CCNL2: variants seen among roughly 807,000 people sequenced by gnomAD.
The protein encoded by CCNL2 is cyclin L2.
In CCNL2, 28 loss-of-function variants were observed where a neutral mutation model predicts 59.1. That is an observed-to-expected ratio of 0.47 (90% CI 0.35 to 0.65). The LOEUF (loss-of-function observed/expected upper bound fraction) is 0.65, where lower values mean the gene tolerates loss of function less well. Among genes scored for constraint, CCNL2 ranks in the 30% least tolerant of loss-of-function variants. CCNL2 has a pLI of 0.00. For synonymous variants in CCNL2, 342 were observed against 288.6 expected, an observed-to-expected ratio of 1.19 and a Z score of -1.88; for missense variants, 714 against 717.4, an observed-to-expected ratio of 1.00 and a Z score of 0.05.
rs1644506208 is a variant in CCNL2, at chr1:1,387,343, T to C, written c.1451A>G (p.Lys484Arg). The C allele has an allele frequency of 1.2e-6, 2 of 1,614,188 alleles. No homozygotes were observed. Among genetic ancestry groups the C allele is most frequent in the Non-Finnish European group, 1.7e-6 (2 of 1,180,040 alleles). The change falls in exon 11 of 11, where the codon AAG becomes AGG. Residue 484 changes from lysine to arginine, a missense_variant. By Grantham distance (26) the Lys-to-Arg change is conservative (BLOSUM62 2). Around this residue, in one of 5 missense-constraint regions of CCNL2, gnomAD observed 403 missense variants for 377.7 expected, o/e 1.07. Transcript: ENST00000400809. ...ATCTCTGTAGTAATGACTTTTCTTC[T>C]TGTATTTTCCCGGATTATCCGCCCG... ...RERADNPGKYKKKSHYYRDQR... is the reference protein window; with the variant it reads ...RERADNPGKYRKKSHYYRDQR...
At chr1:1,396,424 G>A (rs868691392) in intron 3 of CCNL2, among the ~76,000 whole-genome samples, 1 of 150,286 alleles carries the variant, frequency 6.7e-6, no homozygotes, top group African/African-American at 2.4e-5. Context: ...GCACCACCAC[G>A]ACCAGCTAAT....
chr1:1,387,689 CA>C, intron 10 of CCNL2, 87 bp downstream of exon 10: 3 of 1,445,974 alleles, frequency 2.1e-6, no homozygotes, highest in Non-Finnish European at 1.9e-6. Flanking sequence ...TTTAGAGAAA[CA>C]AGAAACCACC....
In CCNL2 at chr1:1,394,982, G is replaced by A. The variant is rs185958080; in HGVS notation, c.594+412C>T. On this transcript the variant is annotated intron_variant, in intron 4 of 10. Transcript: ENST00000400809. ...TGAGGCAGGAGAATGGCTTGAAGCC[G>A]GGAGGTGGAGGTTGTGCCTCCACTG... Among the ~76,000 whole-genome samples, 907 of 152,030 alleles carry A rather than the reference G, an allele frequency of 6.0e-3. 12 individuals are homozygous for A. Among genetic ancestry groups the A allele is most frequent in the African/African-American group, 0.021 (864 of 41,462 alleles).
rs751738515 is a variant in CCNL2 at position 1,387,836 on chromosome 1, GCTCCGA to G, written c.1146_1151del (p.Ser386_Arg387del). ...TCGAGTAGCTCTGCTCACGGCTCCG[GCTCCGA>G]CTCCGACTCTCTCGCCCCTTTGGCA... On this transcript the variant is annotated inframe_deletion, in exon 10 of 11. Coordinates refer to ENST00000400809, the MANE Select transcript of CCNL2 (RefSeq NM_030937.6). 92 of 1,613,614 alleles carry G rather than the reference GCTCCGA, an allele frequency of 5.7e-5. No homozygotes were observed. Among genetic ancestry groups the G allele is most frequent in the East Asian group, 2.5e-4 (11 of 44,876 alleles).
At chr1:1,388,711 C>A in intron 8 of CCNL2, 1 of 415,012 alleles carries the variant, frequency 2.4e-6, no homozygotes, top group South Asian at 1.7e-5. Context: ...GCGGAGCTTG[C>A]AGTGATCCCA....
chr1:1,387,387 A>C lies in CCNL2; in HGVS notation c.1407T>G (p.Ser469=). 6.2e-7 allele frequency: 1 copy of C among 1,614,128 alleles called. No homozygotes were observed. Among genetic ancestry groups the C allele is most frequent in the South Asian group, 1.1e-5 (1 of 91,076 alleles). ...HKSRSRSSSR[S]RSRSRERADN... ...CCGCCCGCTCCCGTGACCTGCTTCG[A>C]GAACGGGAAGAACTCCGGCTCCGAG... Residue 469 remains serine (S), a synonymous_variant, in exon 11 of 11, where the codon TCT becomes TCG. Transcript: ENST00000400809.
intron 5 of CCNL2, 37 bp from the exon 6 acceptor site, chr1:1,390,902 C>A: frequency 6.5e-7 from 1 of 1,549,038 alleles, no homozygotes; most frequent in Non-Finnish European, 8.9e-7. Context: ...CAATGCCCCA[C>A]CCGGGAACCC....
At chr1:1,392,878 C>A in intron 5 of CCNL2, 9 of 1,479,596 alleles carry the variant, frequency 6.1e-6, no homozygotes, top group Non-Finnish European at 8.4e-6. Flanking sequence ...CCAGACAATT[C>A]AGTCAGCAAA....
chr1:1,397,210 G>A (rs1460984251), intron 3 of CCNL2, among the ~76,000 whole-genome samples: 1 of 152,168 alleles, frequency 6.6e-6, no homozygotes, highest in Non-Finnish European at 1.5e-5. Context: ...TTAACTTCAG[G>A]TGCATAAACC....
chr1:1,388,281 G>A (rs1039010011), intron 8 of CCNL2: 28 of 555,634 alleles, frequency 5.0e-5, no homozygotes, highest in Admixed American at 1.6e-4. Flanking sequence ...CCAGCACTTC[G>A]GGAGGCCGAG....
intron 5 of CCNL2, chr1:1,391,464 G>A: frequency 1.6e-6 from 2 of 1,261,208 alleles, no homozygotes; most frequent in Non-Finnish European, 2.1e-6. Flanking sequence ...AGCCCCTTGG[G>A]TGCAAGTTGG....
intron 8 of CCNL2, among the ~76,000 whole-genome samples, chr1:1,389,973 C>T (rs150403446): frequency 5.5e-4 from 84 of 152,050 alleles, no homozygotes; most frequent in Non-Finnish European, 1.0e-3. Context: ...AAAGAATTAG[C>T]CAAGCATGGT....
chr1:1,396,788 G>A (rs970676176), intron 3 of CCNL2, among the ~76,000 whole-genome samples: 4 of 148,570 alleles, frequency 2.7e-5, no homozygotes, highest in Admixed American at 2.0e-4. Context: ...TTGCTCTGTC[G>A]CCCAGGCTGG....
At chr1:1,388,271 C>G (rs1406651239) in intron 8 of CCNL2, 3 of 570,694 alleles carry the variant, frequency 5.3e-6, no homozygotes, top group Non-Finnish European at 6.3e-6. Flanking sequence ...GCCTGTGAGC[C>G]CAGCACTTCG....
chr1:1,387,651 A>G, intron 10 of CCNL2, 69 bp from the exon 11 acceptor site: 2 of 1,397,608 alleles, frequency 1.4e-6, no homozygotes, highest in Non-Finnish European at 1.9e-6. Context: ...CACCCACAGG[A>G]GCTCAGACAA....
chr1:1,392,455 A>AT (rs1241353200), intron 5 of CCNL2: 7 of 1,210,208 alleles, frequency 5.8e-6, no homozygotes, highest in Non-Finnish European at 7.2e-6. Flanking sequence ...GACACAGCCA[A>AT]TTTGTCTCTT....
Position 1,396,571 on chromosome 1 carries a change from G to GTT in CCNL2, c.474-1059_474-1058dup, listed in dbSNP as rs1175846044. ...GTGAGCCACTGCGCTCGGCAAGGCTGTTTTTTTTTTTTTTTTTTTTTTTTT... is the reference window on the plus strand; with the variant it reads ...GTGAGCCACTGCGCTCGGCAAGGCTGTTTTTTTTTTTTTTTTTTTTTTTTTTT... On this transcript the variant is annotated intron_variant, in intron 3 of 10. Coordinates refer to ENST00000400809, the MANE Select transcript of CCNL2 (RefSeq NM_030937.6). Among the ~76,000 whole-genome samples, 69 of 69,676 alleles carry GTT rather than the reference G, an allele frequency of 9.9e-4. 4 individuals are homozygous for GTT. Among genetic ancestry groups the GTT allele is most frequent in the East Asian group, 2.2e-3 (5 of 2,278 alleles). 45.7% of individuals were successfully genotyped at this position (69,676 alleles called of 152,430 possible). A position where few individuals can be genotyped will look rare whatever the true frequency, so the allele number is the denominator to read the frequency against.
chr1:1,393,984 G>C (rs1257975498), intron 4 of CCNL2, among the ~76,000 whole-genome samples: 1 of 152,052 alleles, frequency 6.6e-6, no homozygotes, highest in Non-Finnish European at 1.5e-5. Context: ...AAATTAGTCA[G>C]GCATGGTGGT....
chr1:1,395,285 G>T, intron 4 of CCNL2, 109 bp downstream of exon 4: 2 of 1,205,952 alleles, frequency 1.7e-6, no homozygotes, highest in Admixed American at 2.5e-5. Flanking sequence ...GCCAAGTCAG[G>T]GATGCACTCA....
Sources: gnomAD v4.1 joint callset for allele counts (sites outside exome capture counted in the v4.1 genomes callset) on GRCh38, gnomAD v4.1.1 for gene constraint, gnomAD v4.1.1 regional missense constraint, MANE v1.5 for transcripts, NCBI Gene and HGNC (gene_info 2026-07-23, HGNC 2026-07-21) for gene names.